The following MAST4 variants were observed in gnomAD, a reference collection of about 807,000 sequenced individuals.
The protein encoded by MAST4 is microtubule associated serine/threonine kinase family member 4.
MAST4 carries 89 observed loss-of-function variants against 162.7 expected under a neutral mutation model. The ratio of observed to expected loss-of-function variants is 0.55; its 90% CI spans 0.46 to 0.65. The LOEUF (loss-of-function observed/expected upper bound fraction) is 0.65, where lower values mean the gene tolerates loss of function less well. Ranked by LOEUF, MAST4 falls within the 30% of genes least tolerant of loss-of-function variation. The pLI is 0.00. For missense variants in MAST4, 3,153 were observed against 3,374.0 expected, an observed-to-expected ratio of 0.93 and a Z score of 1.62; for synonymous variants, 1,479 against 1,361.1, an observed-to-expected ratio of 1.09 and a Z score of -1.91.
rs537780971 is a variant in MAST4, at chr5:66,893,474, C to T, written c.643-6477C>T. Among the ~76,000 whole-genome samples the T allele has an allele frequency of 1.6e-3, 243 of 152,154 alleles. 1 individual carries two copies. Among genetic ancestry groups the T allele is most frequent in the African/African-American group, 5.5e-3 (230 of 41,494 alleles). On this transcript the variant is annotated intron_variant, in intron 3 of 28. Transcript: ENST00000403625. ...AACTCCTGACCTCAAGTGATCCACA[C>T]GTCTCGGCCTCCCAAAATCCTGAGA...
intron 2 of MAST4, among the ~76,000 whole-genome samples, chr5:66,781,371 A>G (rs1247477078): frequency 1.3e-5 from 2 of 152,236 alleles, no homozygotes; most frequent in Non-Finnish European, 2.9e-5. Flanking sequence ...GCCAAAACCT[A>G]TTAACCTATA....
At chr5:67,109,823 A>G (rs143400699) in intron 10 of MAST4, among the ~76,000 whole-genome samples, 1 of 152,322 alleles carries the variant, frequency 6.6e-6, no homozygotes, top group African/African-American at 2.4e-5. Context: ...TCCTTCATTC[A>G]TGGTTCACAT....
At chr5:66,896,473 A>C (rs1762690114) in intron 3 of MAST4, among the ~76,000 whole-genome samples, 1 of 152,056 alleles carries the variant, frequency 6.6e-6, no homozygotes, top group Non-Finnish European at 1.5e-5. Context: ...GTCCCAGCCC[A>C]CTCTCAAAGA....
chr5:67,032,757 T>C (rs761786661), intron 4 of MAST4, among the ~76,000 whole-genome samples: 1 of 152,102 alleles, frequency 6.6e-6, no homozygotes, highest in Non-Finnish European at 1.5e-5. Context: ...AGAGGATTAT[T>C]GAGAACAACA....
chr5:67,065,678 G>A (rs527996009), intron 5 of MAST4, among the ~76,000 whole-genome samples: 8 of 152,250 alleles, frequency 5.3e-5, no homozygotes, highest in African/African-American at 1.7e-4. Flanking sequence ...ATGCTAAAAA[G>A]CATTTTCTTT....
intron 4 of MAST4, chr5:67,004,583 C>G (rs1027477355): frequency 5.9e-6 from 1 of 168,738 alleles, no homozygotes; most frequent in Non-Finnish European, 1.3e-5. Flanking sequence ...ATAGTCGTCT[C>G]CCCCGCCCCT....
chr5:66,911,200 C>T (rs1225249063), intron 4 of MAST4, among the ~76,000 whole-genome samples: 2 of 152,168 alleles, frequency 1.3e-5, no homozygotes, highest in Non-Finnish European at 1.5e-5. Flanking sequence ...TCTGCTTCAT[C>T]CCGTGCATCA....
At chr5:66,718,869 G>T (rs1751024413) in intron 1 of MAST4, among the ~76,000 whole-genome samples, 1 of 152,142 alleles carries the variant, frequency 6.6e-6, no homozygotes, top group African/African-American at 2.4e-5. Context: ...TGTGAGTGCA[G>T]CTCTGCATTT....
chr5:66,778,894 T>G (rs1039488759), intron 2 of MAST4, among the ~76,000 whole-genome samples: 7 of 152,202 alleles, frequency 4.6e-5, no homozygotes, highest in Admixed American at 2.6e-4. Flanking sequence ...CACCCATCCC[T>G]AGTTCTCTCA....
intron 4 of MAST4, among the ~76,000 whole-genome samples, chr5:66,963,231 T>C (rs764023078): frequency 2.0e-5 from 3 of 152,216 alleles, no homozygotes; most frequent in Admixed American, 1.3e-4. Flanking sequence ...AGATAAAATA[T>C]TGGGTCTTTG....
intron 4 of MAST4, among the ~76,000 whole-genome samples, chr5:66,971,707 C>T (rs1040008447): frequency 6.6e-6 from 1 of 151,972 alleles, no homozygotes; most frequent in Non-Finnish European, 1.5e-5. Flanking sequence ...TTTAGTAGAT[C>T]TTCTTGAGGT....
chr5:67,161,301 C>T (rs1166296125), intron 27 of MAST4, among the ~76,000 whole-genome samples: 3 of 151,744 alleles, frequency 2.0e-5, no homozygotes, highest in Admixed American at 6.6e-5. Context: ...AACAAGCAAA[C>T]GAAAAGCCAT....
Position 66,625,468 on chromosome 5 carries a change from T to C in MAST4, c.363+28450T>C, listed in dbSNP as rs1016263826. Reference sequence around the variant, plus strand: ...TAATAAGGGATTAACATCCAAAATATATGAAGAGTGAATACAACTCAATAC... The same window carrying C: ...TAATAAGGGATTAACATCCAAAATACATGAAGAGTGAATACAACTCAATAC... On this transcript the variant is annotated intron_variant, in intron 1 of 28. Coordinates refer to ENST00000403625, the MANE Select transcript of MAST4 (RefSeq NM_001164664.2). Among the ~76,000 whole-genome samples the C allele has an allele frequency of 4.6e-5, 7 of 152,172 alleles. No homozygotes were observed. In the East Asian group the frequency reaches 7.7e-4, roughly 17 times the overall value.
intron 4 of MAST4, among the ~76,000 whole-genome samples, chr5:66,998,577 AAT>A (rs1289404089): frequency 6.6e-6 from 1 of 152,200 alleles, no homozygotes; most frequent in Non-Finnish European, 1.5e-5. Flanking sequence ...CAGTCTTTAA[AAT>A]ATTAGGCAGG....
intron 3 of MAST4, among the ~76,000 whole-genome samples, chr5:66,807,188 CTT>C (rs753899159): frequency 4.5e-4 from 69 of 152,218 alleles, no homozygotes; most frequent in Non-Finnish European, 7.6e-4. Flanking sequence ...CAATTACACT[CTT>C]TTAGTTACTT....
intron 1 of MAST4, among the ~76,000 whole-genome samples, chr5:66,721,610 T>C (rs1034625539): frequency 2.7e-5 from 4 of 150,186 alleles, no homozygotes; most frequent in African/African-American, 9.9e-5. Context: ...TACCCTGTCT[T>C]TGTGATCTAG....
At chr5:66,939,819 A>C (rs570639644) in intron 4 of MAST4, among the ~76,000 whole-genome samples, 55 of 152,224 alleles carry the variant, frequency 3.6e-4, no homozygotes, top group Admixed American at 5.2e-4. Context: ...AGCAGCACAC[A>C]ACTTTTTTGA....
At chr5:67,098,118 G>A (rs754487284) in intron 7 of MAST4, among the ~76,000 whole-genome samples, 1 of 152,074 alleles carries the variant, frequency 6.6e-6, no homozygotes, top group Non-Finnish European at 1.5e-5. Flanking sequence ...GAATAAAATT[G>A]CAAGCATTTT....
intron 3 of MAST4, among the ~76,000 whole-genome samples, chr5:66,883,422 GTTTTTTTTTT>G (rs36071165): frequency 0.01 from 1,009 of 97,246 alleles, 17 homozygotes; most frequent in African/African-American, 0.038. Context: ...TTCTGTCACT[GTTTTTTTTTT>G]TTTTTTTTTT....
Sources: allele counts gnomAD v4.1 joint callset (sites outside exome capture counted in the v4.1 genomes callset), GRCh38; gene constraint gnomAD v4.1.1; transcripts MANE v1.5; gene names NCBI Gene and HGNC (gene_info 2026-07-23, HGNC 2026-07-21).